REX1BD: variants seen among roughly 807,000 people sequenced by gnomAD.
The protein encoded by REX1BD is required for excision 1-B domain containing.
A neutral mutation model predicts 24.4 loss-of-function variants in REX1BD; 22 were observed. The observed-to-expected ratio is 0.90, with a 90% CI of 0.64 to 1.29. REX1BD has a LOEUF of 1.29. Among genes scored for constraint, REX1BD ranks in the 50% most tolerant of loss-of-function variants. The pLI is 0.00. For missense variants in REX1BD, 293 were observed against 285.3 expected (o/e 1.03, Z -0.19); for synonymous variants, 146 against 125.9 (o/e 1.16, Z -1.07).
chr19:18,589,173 C>T (rs1309909568), intron 2 of REX1BD, 96 bp downstream of exon 2: 1 of 1,483,430 alleles, frequency 6.7e-7, no homozygotes, highest in Non-Finnish European at 8.9e-7. Context: ...GGAGCTGGGT[C>T]CTTGTGTGGC....
rs771479774 is a variant in REX1BD at position 18,588,913 on chromosome 19, C to G, written c.99+13C>G. 9.8e-5 allele frequency: 149 copies of G among 1,527,854 alleles called. No individual in the cohort carries two copies. The highest frequency in any genetic ancestry group is 2.3e-4 in the Middle Eastern group (1 of 4,364). The allele number at this position is 1,527,854 out of a possible 1,614,324, so 94.6% of individuals were successfully genotyped here. A position where few individuals can be genotyped will look rare whatever the true frequency, so the allele number is the denominator to read the frequency against. On this transcript the variant is annotated intron_variant, in intron 1 of 4. Transcript: ENST00000358607. ...GGCGTGGCCCTGGGTGAGCCCAGGC[C>G]CAAGCGGGAACGGGCGCGGGGCGGG...
chr19:18,592,078 T>C, intron 4 of REX1BD, 30 bp from the exon 5 acceptor site: 5 of 1,613,294 alleles, frequency 3.1e-6, no homozygotes, highest in Non-Finnish European at 4.2e-6. Flanking sequence ...CCATCTGGGT[T>C]TTATTTATAG....
intron 3 of REX1BD, chr19:18,589,995 C>T (rs1568437750): frequency 2.7e-6 from 1 of 364,588 alleles, no homozygotes. Context: ...GGTTGTTCCG[C>T]GTCTAGGGTC....
In REX1BD at chr19:18,589,654, C is replaced by T. The variant is rs1265977113; in HGVS notation, c.424C>T (p.Gln142Ter). The change falls in exon 3 of 5, where the codon CAG becomes TAG. Residue 142 changes from glutamine to a stop codon, truncating the protein, a stop_gained. Transcript: ENST00000358607. LOFTEE classifies it high-confidence loss of function. ...GCTCGCCGGCCACGTGCGCAGCCTGCAGGAGCTGGAGCAGACGCGGCTGGG... is the reference window on the plus strand; with the variant it reads ...GCTCGCCGGCCACGTGCGCAGCCTGTAGGAGCTGGAGCAGACGCGGCTGGG... ...PLLAGHVRSL[Q>*]ELEQTRLGTV... The T allele has an allele frequency of 6.6e-7, 1 of 1,504,100 alleles. No individual in the cohort carries two copies. The highest frequency in any genetic ancestry group is 8.8e-7 in the Non-Finnish European group (1 of 1,134,036). The allele number at this position is 1,504,100 out of a possible 1,614,324, so 93.2% of individuals were successfully genotyped here.
chr19:18,591,649 TAG>T (rs1264168067), intron 4 of REX1BD: 1 of 161,496 alleles, frequency 6.2e-6, no homozygotes, highest in African/African-American at 2.4e-5. Context: ...TTTTTTGAGA[TAG>T]AGTCTTGCTC....
intron 3 of REX1BD, chr19:18,589,921 C>T (rs1450782368): frequency 1.9e-6 from 1 of 535,410 alleles, no homozygotes; most frequent in African/African-American, 2.0e-5. Flanking sequence ...CGCTTTCTCC[C>T]AGCTCCGCCT....
chr19:18,591,140 G>A (rs1318426310), intron 4 of REX1BD: 2 of 506,610 alleles, frequency 3.9e-6, no homozygotes, highest in Admixed American at 3.8e-5. Flanking sequence ...TGTATACCTC[G>A]ACACATGCCA....
rs1425432858 is a variant in REX1BD at position 18,589,577 on chromosome 19, G to A, written c.347G>A (p.Arg116Gln). Residue 116 changes from arginine to glutamine, a missense_variant, in exon 3 of 5, where the codon CGG becomes CAG. Coordinates refer to ENST00000358607, the MANE Select transcript of REX1BD (RefSeq NM_001100418.2). ...GVTQAFAAAS[R>Q]EVLAVEAELG... ...ACCCAGGCCTTCGCCGCCGCCTCGC[G>A]GGAGGTGCTGGCGGTGGAAGCAGAG... The A allele has an allele frequency of 1.3e-6, 2 of 1,556,652 alleles. No individual in the cohort carries two copies. Among genetic ancestry groups the A allele is most frequent in the Non-Finnish European group, 1.7e-6 (2 of 1,158,914 alleles).
Position 18,592,191 on chromosome 19 carries a change from C to T in REX1BD, c.*11C>T, listed in dbSNP as rs766343902. 1.2e-6 allele frequency: 2 copies of T among 1,613,974 alleles called. No individual in the cohort carries two copies. Among genetic ancestry groups the T allele is most frequent in the Non-Finnish European group, 1.7e-6 (2 of 1,179,982 alleles). On this transcript the variant is annotated 3_prime_UTR_variant, in exon 5 of 5. Coordinates refer to ENST00000358607, the MANE Select transcript of REX1BD (RefSeq NM_001100418.2). ...GAATCTGCCGAGTGATGGCGGCTCC[C>T]CAGGGATGCGCCGAGGGAGATGGGA...
rs187484604 is a variant in REX1BD at position 18,589,116 on chromosome 19, C to T, written c.182+39C>T. On this transcript the variant is annotated intron_variant, in intron 2 of 4. Coordinates refer to ENST00000358607, the MANE Select transcript of REX1BD (RefSeq NM_001100418.2). Reference sequence around the variant, plus strand: ...CGGAGGGGCTCAGGGTTCGGTCCCCCGCCCGCTCCGGGCGTGGGCGTGTTC... The same window carrying T: ...CGGAGGGGCTCAGGGTTCGGTCCCCTGCCCGCTCCGGGCGTGGGCGTGTTC... The T allele has an allele frequency of 1.0e-3, 1,520 of 1,465,136 alleles. 16 individuals are homozygous for T. The African/African-American group carries it at 0.019, about 18-fold the overall frequency. 90.8% of individuals were successfully genotyped at this position (1,465,136 alleles called of 1,614,324 possible).
chr19:18,592,206 G>A lies in REX1BD; in HGVS notation c.*26G>A. ...TGGCGGCTCCCCAGGGATGCGCCGAGGGAGATGGGAAACGGGGCGGATGGC... is the reference window on the plus strand; with the variant it reads ...TGGCGGCTCCCCAGGGATGCGCCGAAGGAGATGGGAAACGGGGCGGATGGC... On this transcript the variant is annotated 3_prime_UTR_variant, in exon 5 of 5. Transcript: ENST00000358607. The A allele has an allele frequency of 6.2e-7, 1 of 1,613,684 alleles. No homozygotes were observed. Among genetic ancestry groups the A allele is most frequent in the Non-Finnish European group, 8.5e-7 (1 of 1,179,774 alleles).
chr19:18,589,446 G>T lies in REX1BD; in HGVS notation c.216G>T (p.Trp72Cys). 1.3e-6 allele frequency: 2 copies of T among 1,558,802 alleles called. No homozygotes were observed. The highest frequency in any genetic ancestry group is 1.7e-6 in the Non-Finnish European group (2 of 1,151,960). ...CGCCGGTGCAGGGCCTGAGAGCCTG[G>T]GGGCGCGGCCTCAGGGTCCCCACAT... ...WLAPVQGLRAWGRGLRVPTCR... is the reference protein window; with the variant it reads ...WLAPVQGLRACGRGLRVPTCR... Residue 72 changes from tryptophan (W) to cysteine (C), a missense_variant, in exon 3 of 5, where the codon TGG (tryptophan) becomes TGT (cysteine). Transcript: ENST00000358607.
At position 18,589,088 on chromosome 19, in the gene REX1BD, G is replaced by T. The variant is rs1400756403; in HGVS notation, c.182+11G>T. ...CCGCCGACTGGAGGAGTGAGTGGGG[G>T]CGCGGAGGGGCTCAGGGTTCGGTCC... On this transcript the variant is annotated intron_variant, in intron 2 of 4. Transcript: ENST00000358607. The T allele has an allele frequency of 2.0e-6, 3 of 1,494,956 alleles. No homozygotes were observed. In the South Asian group the frequency reaches 3.9e-5, roughly 19 times the overall value. 92.6% of individuals were successfully genotyped at this position (1,494,956 alleles called of 1,614,324 possible).
rs1038706758 is a variant in REX1BD, at chr19:18,589,014, C to T, written c.119C>T (p.Thr40Met). The change falls in exon 2 of 5, where the codon ACG becomes ATG. Residue 40 changes from threonine (T) to methionine (M), a missense_variant. By Grantham distance (81) the Thr-to-Met change is moderately conservative. Coordinates refer to ENST00000358607, the MANE Select transcript of REX1BD (RefSeq NM_001100418.2). ...AWPWKDAPIR[T>M]LVQRIHQLQA... is the part of the protein sequence containing the mutation. ...CCGCAGAAAGACGCCCCGATCCGGACGCTGGTGCAGCGCATCCACCAGCTG... is the reference window on the plus strand; with the variant it reads ...CCGCAGAAAGACGCCCCGATCCGGATGCTGGTGCAGCGCATCCACCAGCTG... 6.9e-5 allele frequency: 105 copies of T among 1,527,686 alleles called. No homozygotes were observed. Among genetic ancestry groups the T allele is most frequent in the Non-Finnish European group, 8.8e-5 (101 of 1,143,880 alleles). The allele number at this position is 1,527,686 out of a possible 1,614,324, so 94.6% of individuals were successfully genotyped here. A position where few individuals can be genotyped will look rare whatever the true frequency, so the allele number is the denominator to read the frequency against.
Position 18,592,224 on chromosome 19 carries a change from C to A in REX1BD, c.*44C>A. The stretch of plus-strand genomic sequence containing the variant: ...GCGCCGAGGGAGATGGGAAACGGGG[C>A]GGATGGCGCCCAGCCCAGCCCTAAC... On this transcript the variant is annotated 3_prime_UTR_variant, in exon 5 of 5. Coordinates refer to ENST00000358607, the MANE Select transcript of REX1BD (RefSeq NM_001100418.2). 6.2e-7 allele frequency: 1 copy of A among 1,610,274 alleles called. No individual in the cohort carries two copies. The highest frequency in any genetic ancestry group is 8.5e-7 in the Non-Finnish European group (1 of 1,177,204).
At chr19:18,590,559 A>AC (rs1976019534) in intron 3 of REX1BD, 1 of 320,418 alleles carries the variant, frequency 3.1e-6, no homozygotes, top group Non-Finnish European at 5.8e-6. Flanking sequence ...CGTCCCTGGG[A>AC]CCATGAGGCG....
In REX1BD at chr19:18,592,164, C is replaced by G. The variant is rs573574113; in HGVS notation, c.590C>G (p.Ala197Gly). ...GTTCTCCAGGACCTTAGGTTTGATG[C>G]GGAATCTGCCGAGTGATGGCGGCTC... ...SEVLQDLRFD[A>G]ESAE Residue 197 changes from alanine to glycine, a missense_variant, in exon 5 of 5, where the codon GCG (alanine) becomes GGG (glycine). Coordinates refer to ENST00000358607, the MANE Select transcript of REX1BD (RefSeq NM_001100418.2). 6.2e-7 allele frequency: 1 copy of G among 1,614,074 alleles called. No individual in the cohort carries two copies. The highest frequency in any genetic ancestry group is 1.7e-5 in the Admixed American group (1 of 60,030).
chr19:18,590,858 C>G lies in REX1BD; in HGVS notation c.458C>G (p.Ala153Gly). 6.2e-7 allele frequency: 1 copy of G among 1,604,538 alleles called. No individual in the cohort carries two copies. Among genetic ancestry groups the G allele is most frequent in the Admixed American group, 1.7e-5 (1 of 58,994 alleles). The stretch of plus-strand genomic sequence containing the variant: ...TGTTGCTCATTCCCCCACCAGGTGG[C>G]CCTGCTGCAGTTGATGGAGACGCCA... ...ELEQTRLGTV[A>G]LLQLMETPEL... Residue 153 changes from alanine (A) to glycine (G), a missense_variant, in exon 4 of 5, where the codon GCC (alanine) becomes GGC (glycine). Coordinates refer to ENST00000358607, the MANE Select transcript of REX1BD (RefSeq NM_001100418.2).
chr19:18,589,130 G>A, intron 2 of REX1BD, 53 bp downstream of exon 2: 1 of 1,466,276 alleles, frequency 6.8e-7, no homozygotes, highest in Non-Finnish European at 9.0e-7. Flanking sequence ...CGCTCCGGGC[G>A]TGGGCGTGTT....
Sources: gnomAD v4.1 joint callset for allele counts on GRCh38, gnomAD v4.1.1 for gene constraint, MANE v1.5 for transcripts, NCBI Gene and HGNC (gene_info 2026-07-23, HGNC 2026-07-21) for gene names.